Variants in SLC39A14 observed in about 807,000 individuals in gnomAD.
The protein encoded by SLC39A14 is solute carrier family 39 member 14.
SLC39A14 carries 19 observed loss-of-function variants against 45.5 expected under a neutral mutation model. The ratio of observed to expected loss-of-function variants is 0.42; its 90% confidence interval spans 0.29 to 0.61. The LOEUF is 0.61. SLC39A14 is among the 20% of genes least tolerant of loss of function. The pLI is 0.22. For missense variants in SLC39A14, 447 were observed against 616.5 expected (o/e 0.73, Z 2.91); for synonymous variants, 264 against 251.3 (o/e 1.05, Z -0.48).
At chr8:22,374,576 G>T (rs1833106156) in intron 1 of SLC39A14, among the ~76,000 whole-genome samples, 1 of 150,670 alleles carries the variant, frequency 6.6e-6, no homozygotes, top group South Asian at 2.1e-4. Flanking sequence ...CAGAGTGGCT[G>T]AGAGGGAGCA....
At chr8:22,411,032 T>A (rs1173587372) in intron 3 of SLC39A14, among the ~76,000 whole-genome samples, 1 of 152,252 alleles carries the variant, frequency 6.6e-6, no homozygotes, top group Non-Finnish European at 1.5e-5. Flanking sequence ...CCTGGTTGAA[T>A]GTGAACCATC....
chr8:22,376,334 ATTTTTTTTT>A (rs778041310), intron 1 of SLC39A14, among the ~76,000 whole-genome samples: 5 of 122,426 alleles, frequency 4.1e-5, no homozygotes, highest in African/African-American at 9.2e-5. Context: ...ACCACACCTA[ATTTTTTTTT>A]TTTTTTTTTT....
chr8:22,379,215 C>A (rs1241694292), intron 1 of SLC39A14, among the ~76,000 whole-genome samples: 1 of 152,150 alleles, frequency 6.6e-6, no homozygotes, highest in Non-Finnish European at 1.5e-5. Context: ...TAGGGCCCAT[C>A]GTAAATCCAG....
chr8:22,400,888 C>T (rs539887881), intron 1 of SLC39A14, among the ~76,000 whole-genome samples: 21 of 152,316 alleles, frequency 1.4e-4, no homozygotes, highest in Admixed American at 1.0e-3. Flanking sequence ...GTTGGGAACC[C>T]TGCTGATTTA....
At chr8:22,433,540 CTTT>C (rs555154342) in intron 8 of SLC39A14, among the ~76,000 whole-genome samples, 6 of 118,214 alleles carry the variant, frequency 5.1e-5, no homozygotes, top group Non-Finnish European at 5.3e-5. Context: ...TTATTTTATG[CTTT>C]TTTTTTTTTT....
intron 1 of SLC39A14, among the ~76,000 whole-genome samples, chr8:22,387,404 C>T (rs888353763): frequency 2.6e-5 from 4 of 152,086 alleles, no homozygotes; most frequent in Non-Finnish European, 5.9e-5. Flanking sequence ...CAATCGATTG[C>T]TCCCTGGGGT....
In SLC39A14 at chr8:22,380,012, A is replaced by G. The variant is rs114873657; in HGVS notation, c.-16+12604A>G. On this transcript the variant is annotated intron_variant, in intron 1 of 8. Coordinates refer to ENST00000381237, the MANE Select transcript of SLC39A14 (RefSeq NM_001128431.4). ...AAGAATACAAATAAAAAAACACAGT[A>G]TAAAAATTATTACATACCATTTACA... is the stretch of plus-strand genomic sequence containing the variant. Among the ~76,000 whole-genome samples the G allele has an allele frequency of 3.6e-3, 541 of 152,336 alleles. 3 individuals are homozygous for G. The highest frequency in any genetic ancestry group is 0.012 in the African/African-American group (516 of 41,572).
chr8:22,395,041 C>T (rs1206880216), intron 1 of SLC39A14, among the ~76,000 whole-genome samples: 1 of 150,762 alleles, frequency 6.6e-6, no homozygotes, highest in Non-Finnish European at 1.5e-5. Context: ...GACAGAGTCT[C>T]ACTCTGTCGC....
intron 1 of SLC39A14, among the ~76,000 whole-genome samples, chr8:22,381,970 G>A (rs1284987119): frequency 6.6e-6 from 1 of 151,966 alleles, no homozygotes; most frequent in South Asian, 2.1e-4. Context: ...GTGAAACCCC[G>A]ACTCTATTAA....
chr8:22,394,106 A>G (rs1460695004), intron 1 of SLC39A14, among the ~76,000 whole-genome samples: 1 of 150,852 alleles, frequency 6.6e-6, no homozygotes, highest in Non-Finnish European at 1.5e-5. Context: ...TCCGGGGTTC[A>G]AGTGATTCTC....
chr8:22,388,071 T>C (rs188554000), intron 1 of SLC39A14, among the ~76,000 whole-genome samples: 1 of 152,200 alleles, frequency 6.6e-6, no homozygotes, highest in African/African-American at 2.4e-5. Context: ...CAGCAGGTGC[T>C]TATTAAGATC....
At chr8:22,419,321 C>T (rs1158639709) in intron 8 of SLC39A14, among the ~76,000 whole-genome samples, 1 of 152,078 alleles carries the variant, frequency 6.6e-6, no homozygotes, top group Non-Finnish European at 1.5e-5. Flanking sequence ...GTAGCTGGGA[C>T]TACAGGCCTG....
At chr8:22,402,887 G>T (rs1474398407) in intron 1 of SLC39A14, among the ~76,000 whole-genome samples, 1 of 151,796 alleles carries the variant, frequency 6.6e-6, no homozygotes, top group Non-Finnish European at 1.5e-5. Flanking sequence ...TTACTAATTT[G>T]TACAGTATAG....
intron 7 of SLC39A14, among the ~76,000 whole-genome samples, chr8:22,417,171 C>T (rs188266565): frequency 2.6e-5 from 4 of 152,338 alleles, no homozygotes; most frequent in East Asian, 3.9e-4. Flanking sequence ...CTCACAGTCT[C>T]GACACTTAAC....
At chr8:22,416,052 T>TG (rs1459527428) in intron 6 of SLC39A14, 21 bp from the exon 7 acceptor site, 3 of 1,613,258 alleles carry the variant, frequency 1.9e-6, no homozygotes, top group Non-Finnish European at 2.5e-6. Context: ...CTGTGGGCCC[T>TG]GGGGGTGTGC....
intron 2 of SLC39A14, among the ~76,000 whole-genome samples, chr8:22,407,821 CT>C (rs1394534252): frequency 2.0e-5 from 3 of 152,032 alleles, no homozygotes; most frequent in African/African-American, 7.2e-5. Flanking sequence ...AGCAGTCCCC[CT>C]GCCTCAGCCT....
At chr8:22,394,753 C>T (rs1480393387) in intron 1 of SLC39A14, among the ~76,000 whole-genome samples, 4 of 152,074 alleles carry the variant, frequency 2.6e-5, no homozygotes, top group African/African-American at 4.8e-5. Flanking sequence ...AGTCGTATTT[C>T]CCCCCTAGGA....
At chr8:22,419,310 A>C (rs1836080635) in intron 8 of SLC39A14, among the ~76,000 whole-genome samples, 1 of 152,108 alleles carries the variant, frequency 6.6e-6, no homozygotes. Flanking sequence ...CAGCCTCCCA[A>C]GTAGCTGGGA....
chr8:22,368,164 A>T (rs1832737939), intron 1 of SLC39A14, among the ~76,000 whole-genome samples: 2 of 152,172 alleles, frequency 1.3e-5, no homozygotes, highest in Non-Finnish European at 1.5e-5. Context: ...TCGGCTGTAC[A>T]GGAGGACTCC....
Sources: allele counts gnomAD v4.1 joint callset (sites outside exome capture counted in the v4.1 genomes callset), GRCh38; gene constraint gnomAD v4.1.1; transcripts MANE v1.5; gene names NCBI Gene and HGNC (gene_info 2026-07-23, HGNC 2026-07-21).